Variants in ZFAND4 observed in about 807,000 individuals in gnomAD.
The protein encoded by ZFAND4 is zinc finger AN1-type containing 4, also known as AN1-type zinc finger protein 4.
ZFAND4 carries 43 observed loss-of-function variants against 64.4 expected under a neutral mutation model. The ratio of observed to expected loss-of-function variants is 0.67; its 90% CI spans 0.52 to 0.86. ZFAND4 has a LOEUF of 0.86. Among genes scored for constraint, ZFAND4 ranks in the 40% least tolerant of loss-of-function variants. The pLI, the probability that ZFAND4 is intolerant of heterozygous loss-of-function variation, is 0.00. For missense variants in ZFAND4, 929 were observed against 859.8 expected (o/e 1.08, Z -1.01); for synonymous variants, 296 against 305.7 (o/e 0.97, Z 0.33).
At chr10:45,644,137 T>C (rs976338420) in intron 5 of ZFAND4, among the ~76,000 whole-genome samples, 19 of 152,202 alleles carry the variant, frequency 1.2e-4, no homozygotes, top group South Asian at 4.1e-4. Context: ...CACAGTAACA[T>C]AGTCATAATT....
intron 6 of ZFAND4, among the ~76,000 whole-genome samples, chr10:45,634,022 T>C (rs1319223809): frequency 6.6e-6 from 1 of 152,170 alleles, no homozygotes; most frequent in Non-Finnish European, 1.5e-5. Context: ...TGACATAATG[T>C]GTATCAATCA....
At chr10:45,655,109 A>G (rs1237042801) in intron 2 of ZFAND4, among the ~76,000 whole-genome samples, 1 of 152,176 alleles carries the variant, frequency 6.6e-6, no homozygotes, top group Non-Finnish European at 1.5e-5. Flanking sequence ...AAGCCACAAA[A>G]AAGTCTCAAA....
At chr10:45,617,240 T>C (rs932436126) in intron 9 of ZFAND4, among the ~76,000 whole-genome samples, 1 of 152,082 alleles carries the variant, frequency 6.6e-6, no homozygotes, top group Admixed American at 6.6e-5. Flanking sequence ...AAAATTAAAA[T>C]AGTAAAACCT....
Position 45,651,986 on chromosome 10 carries a change from C to G in ZFAND4, c.308G>C (p.Gly103Ala). 1.9e-6 allele frequency: 3 copies of G among 1,613,710 alleles called. No individual in the cohort carries two copies. The highest frequency in any genetic ancestry group is 2.5e-6 in the Non-Finnish European group (3 of 1,179,732). Residue 103 changes from glycine to alanine, a missense_variant, in exon 4 of 10, where the codon GGA becomes GCA. Physicochemically the swap from Gly to Ala is moderately conservative, Grantham distance 60. Transcript: ENST00000344646. ...CCTACCTCTTCTAGTATTTATAGGT[C>G]CGCCACGCATAGCCAAAACTAGCTT... ...TLKLVLAMRGGPINTRRVPTD... is the reference protein window; with the variant it reads ...TLKLVLAMRGAPINTRRVPTD...
At chr10:45,661,106 C>A (rs1327441240) in intron 2 of ZFAND4, among the ~76,000 whole-genome samples, 2 of 152,114 alleles carry the variant, frequency 1.3e-5, no homozygotes, top group African/African-American at 4.8e-5. Flanking sequence ...GTCTGTAATC[C>A]CAGCTCTTTG....
At chr10:45,625,430 C>T (rs1228343811) in intron 7 of ZFAND4, among the ~76,000 whole-genome samples, 2 of 140,878 alleles carry the variant, frequency 1.4e-5, no homozygotes, top group Non-Finnish European at 3.0e-5. Flanking sequence ...GCCGAGATAG[C>T]GCCATTGCAC....
intron 2 of ZFAND4, among the ~76,000 whole-genome samples, chr10:45,663,079 T>C (rs763856828): frequency 2.0e-5 from 3 of 146,966 alleles, no homozygotes; most frequent in Non-Finnish European, 4.5e-5. Flanking sequence ...TATACGTAAA[T>C]GTAAGCCAAA....
chr10:45,620,867 T>G (rs2045367184), intron 8 of ZFAND4: 1 of 152,216 alleles, frequency 6.6e-6, no homozygotes, highest in Non-Finnish European at 1.5e-5. Flanking sequence ...TGACTTATCC[T>G]GTAAGACATC....
At chr10:45,663,249 A>G (rs1175708384) in intron 2 of ZFAND4, among the ~76,000 whole-genome samples, 1 of 152,224 alleles carries the variant, frequency 6.6e-6, no homozygotes, top group Admixed American at 6.5e-5. Context: ...AAAATAGTTA[A>G]GGCATAATTT....
At chr10:45,638,283 A>G (rs1057147412) in intron 6 of ZFAND4, among the ~76,000 whole-genome samples, 4 of 151,018 alleles carry the variant, frequency 2.6e-5, no homozygotes, top group African/African-American at 9.8e-5. Context: ...GGAGATCGAG[A>G]CCAACTTGGC....
At chr10:45,658,592 G>A (rs145954975) in intron 2 of ZFAND4, among the ~76,000 whole-genome samples, 177 of 152,186 alleles carry the variant, frequency 1.2e-3, no homozygotes, top group African/African-American at 3.9e-3. Flanking sequence ...TTATTAGTTA[G>A]CAAATTAAGA....
At chr10:45,665,416 C>T (rs925453391) in intron 1 of ZFAND4, among the ~76,000 whole-genome samples, 1 of 152,096 alleles carries the variant, frequency 6.6e-6, no homozygotes, top group African/African-American at 2.4e-5. Context: ...TGGCGCACAC[C>T]TGTAGTCCCA....
intron 6 of ZFAND4, among the ~76,000 whole-genome samples, chr10:45,631,652 G>GA (rs891883420): frequency 2.6e-5 from 4 of 151,956 alleles, no homozygotes; most frequent in African/African-American, 9.7e-5. Flanking sequence ...AAACTCAAGG[G>GA]AAAAGATGTG....
chr10:45,668,210 A>AGAT (rs2048958188), intron 1 of ZFAND4, among the ~76,000 whole-genome samples: 1 of 152,208 alleles, frequency 6.6e-6, no homozygotes, highest in Non-Finnish European at 1.5e-5. Flanking sequence ...TAATCACAAG[A>AGAT]GATGATGATC....
At chr10:45,670,772 A>C (rs1009889835) in intron 1 of ZFAND4, among the ~76,000 whole-genome samples, 1 of 152,216 alleles carries the variant, frequency 6.6e-6, no homozygotes, top group Non-Finnish European at 1.5e-5. Flanking sequence ...CATAGGCATG[A>C]GCACGGACTT....
intron 2 of ZFAND4, among the ~76,000 whole-genome samples, chr10:45,662,926 A>G (rs921660160): frequency 2.6e-5 from 4 of 152,180 alleles, no homozygotes; most frequent in Admixed American, 6.5e-5. Flanking sequence ...AATGGCAAAC[A>G]TTACTTATTG....
Position 45,626,022 on chromosome 10 carries a change from T to G in ZFAND4, c.1801A>C (p.Asn601His). 6.2e-7 allele frequency: 1 copy of G among 1,614,180 alleles called. No individual in the cohort carries two copies. The highest frequency in any genetic ancestry group is 2.2e-5 in the East Asian group (1 of 44,876). The change falls in exon 7 of 10, where the codon AAC becomes CAC. Residue 601 changes from asparagine (N) to histidine (H), a missense_variant. Asn to His is a moderately conservative substitution (Grantham distance 68). Coordinates refer to ENST00000344646, the MANE Select transcript of ZFAND4 (RefSeq NM_174890.4). ...TTTTCTTCCTGAAAATGCTGGAGGT[T>G]TGTAGACAGCCCAGTTCCAGAGTTC... is the stretch of plus-strand genomic sequence containing the variant. ...LQNSGTGLSTNLQHFQEENFR... is the reference protein window; with the variant it reads ...LQNSGTGLSTHLQHFQEENFR...
chr10:45,627,384 A>G (rs759961377), intron 6 of ZFAND4, among the ~76,000 whole-genome samples: 1 of 152,104 alleles, frequency 6.6e-6, no homozygotes, highest in Non-Finnish European at 1.5e-5. Context: ...TGAACTGATT[A>G]TATTAGATAT....
At chr10:45,650,487 C>T (rs772148991) in intron 4 of ZFAND4, 10 of 149,946 alleles carry the variant, frequency 6.7e-5, no homozygotes, top group African/African-American at 2.2e-4. Context: ...ACTCCAGCCT[C>T]GGTGACAGAG....
Sources: allele counts gnomAD v4.1 joint callset (sites outside exome capture counted in the v4.1 genomes callset), GRCh38; gene constraint gnomAD v4.1.1; transcripts MANE v1.5; gene names NCBI Gene and HGNC (gene_info 2026-07-23, HGNC 2026-07-21).